SLC25A30: variants seen among roughly 807,000 people sequenced by gnomAD.
The protein encoded by SLC25A30 is solute carrier family 25 member 30.
A neutral mutation model predicts 42.7 loss-of-function variants in SLC25A30; 29 were observed. The observed-to-expected ratio is 0.68, with a 90% CI of 0.51 to 0.93. SLC25A30 has a LOEUF of 0.93. Among genes scored for constraint, SLC25A30 ranks in the 40% least tolerant of loss-of-function variants. SLC25A30 has a pLI of 0.00. For missense variants in SLC25A30, 300 were observed against 359.7 expected (o/e 0.83, Z 1.34); for synonymous variants, 124 against 131.0 (o/e 0.95, Z 0.37).
At chr13:45,431,951 T>C in the SLC25A30 span, among the ~76,000 whole-genome samples, 15 of 152,082 alleles carry the variant, frequency 9.9e-5, no homozygotes, top group Admixed American at 9.8e-4. Context: ...ATCCACCCCA[T>C]ATGTCCTGCT....
At chr13:45,422,505 G>A (rs553125090), upstream of SLC25A30, among the ~76,000 whole-genome samples, 116 of 152,182 alleles carry the variant, frequency 7.6e-4, 5 homozygotes, top group South Asian at 0.023. Context: ...ATATTTTATT[G>A]CAGCGGTTCT....
chr13:45,408,023 G>A (rs1255064651), intron 3 of SLC25A30, among the ~76,000 whole-genome samples: 2 of 152,150 alleles, frequency 1.3e-5, no homozygotes, highest in Non-Finnish European at 2.9e-5. Context: ...TGGCAGGCAG[G>A]TGATGTTTAC....
the SLC25A30 span, among the ~76,000 whole-genome samples, chr13:45,424,115 A>T: frequency 1.0e-5 from 1 of 99,010 alleles, no homozygotes; most frequent in Non-Finnish European, 1.8e-5. Context: ...AAATATATAT[A>T]AATATATATA....
In SLC25A30 at chr13:45,395,599, C is replaced by G; in HGVS notation, c.*375G>C. The G allele has an allele frequency of 8.9e-7, 1 of 1,129,076 alleles. No individual in the cohort carries two copies. The highest frequency in any genetic ancestry group is 1.1e-6 in the Non-Finnish European group (1 of 912,960). The allele number at this position is 1,129,076 out of a possible 1,614,324, so 69.9% of individuals were successfully genotyped here. ...CATTCCATGGTTCCAGTGAGCTTTT[C>G]TAGAGCAGTCTGATTCTCAGTCATG... On this transcript the variant is annotated 3_prime_UTR_variant, in exon 10 of 10. Coordinates refer to ENST00000519676, the MANE Select transcript of SLC25A30 (RefSeq NM_001010875.4).
intron 9 of SLC25A30, 99 bp from the exon 10 acceptor site, chr13:45,396,114 A>G: frequency 1.2e-6 from 2 of 1,611,270 alleles, no homozygotes; most frequent in South Asian, 2.2e-5. Flanking sequence ...ACAAATAGGT[A>G]CAGGCAGACC....
chr13:45,399,103 A>T, intron 7 of SLC25A30, 25 bp from the exon 8 acceptor site: 1 of 1,562,124 alleles, frequency 6.4e-7, no homozygotes, highest in Non-Finnish European at 8.6e-7. Flanking sequence ...TTGGAAAAAA[A>T]AAAAAAAGTT....
chr13:45,415,722 G>A (rs2137698328), intron 1 of SLC25A30, among the ~76,000 whole-genome samples: 2 of 149,392 alleles, frequency 1.3e-5, no homozygotes, highest in African/African-American at 4.9e-5. Context: ...ACTGCACTGT[G>A]GCCTGGGTGA....
chr13:45,400,016 A>ATATATATATGTG (rs200703827), intron 7 of SLC25A30, among the ~76,000 whole-genome samples: 5 of 102,180 alleles, frequency 4.9e-5, no homozygotes, highest in African/African-American at 1.9e-4. Flanking sequence ...ATGTATGATT[A>ATATATATATGTG]TATATATATA....
upstream of SLC25A30, among the ~76,000 whole-genome samples, chr13:45,421,938 C>G (rs1399245787): frequency 3.3e-5 from 5 of 152,146 alleles, no homozygotes; most frequent in African/African-American, 1.2e-4. Flanking sequence ...AGGCACTTCT[C>G]AAGTAGCTGG....
At chr13:45,429,294 C>G in the SLC25A30 span, among the ~76,000 whole-genome samples, 2 of 151,748 alleles carry the variant, frequency 1.3e-5, no homozygotes, top group Non-Finnish European at 2.9e-5. Context: ...GTCTCGAACT[C>G]CTGACCTCAG....
intron 4 of SLC25A30, 123 bp downstream of exon 4, chr13:45,405,760 C>T: frequency 2.5e-6 from 2 of 788,756 alleles, no homozygotes; most frequent in South Asian, 3.7e-5. Context: ...ACTTTACACC[C>T]AGAGTTCTTG....
rs1462157746 is a variant in SLC25A30, at chr13:45,399,098, A to G, written c.615-20T>C. 3 of 1,138,930 alleles carry G rather than the reference A, an allele frequency of 2.6e-6. No individual in the cohort carries two copies. Among genetic ancestry groups the G allele is most frequent in the Admixed American group, 5.6e-5 (2 of 35,624 alleles). 70.6% of individuals were successfully genotyped at this position (1,138,930 alleles called of 1,614,324 possible). On this transcript the variant is annotated intron_variant, in intron 7 of 9. Transcript: ENST00000519676. ...CTTGAGCTATAAAGACACCATTGGAAAAAAAAAAAAAAGTTAACCATCACT... is the reference window on the plus strand; with the variant it reads ...CTTGAGCTATAAAGACACCATTGGAGAAAAAAAAAAAAGTTAACCATCACT...
At chr13:45,407,291 C>T (rs980535789) in intron 3 of SLC25A30, among the ~76,000 whole-genome samples, 5 of 151,978 alleles carry the variant, frequency 3.3e-5, no homozygotes, top group East Asian at 1.9e-4. Context: ...CCCAGCTACT[C>T]GGGAGGCTGA....
At chr13:45,425,885 G>T in the SLC25A30 span, among the ~76,000 whole-genome samples, 2 of 146,482 alleles carry the variant, frequency 1.4e-5, no homozygotes, top group South Asian at 4.2e-4. Flanking sequence ...TGGAGACAGG[G>T]TTTCATCATG....
At chr13:45,420,359 C>G (rs1883862059), upstream of SLC25A30, 1 of 152,134 alleles carries the variant, frequency 6.6e-6, no homozygotes, top group Non-Finnish European at 1.5e-5. Flanking sequence ...AAAATTTGGA[C>G]CCCTTTGAAG....
At position 45,395,223 on chromosome 13, in the gene SLC25A30, A is replaced by G. The variant is rs1038221483; in HGVS notation, c.*751T>C. 3 of 985,024 alleles carry G rather than the reference A, an allele frequency of 3.0e-6. No individual in the cohort carries two copies. The highest frequency in any genetic ancestry group is 6.1e-5 in the Admixed American group (1 of 16,270). 61.0% of individuals were successfully genotyped at this position (985,024 alleles called of 1,614,324 possible). ...TGCTTTGCTAAAAATCATAAAGCTAATTACTAACATGACCTAAGACAGAAC... is the reference window on the plus strand; with the variant it reads ...TGCTTTGCTAAAAATCATAAAGCTAGTTACTAACATGACCTAAGACAGAAC... On this transcript the variant is annotated 3_prime_UTR_variant, in exon 10 of 10. Coordinates refer to ENST00000519676, the MANE Select transcript of SLC25A30 (RefSeq NM_001010875.4).
the SLC25A30 span, among the ~76,000 whole-genome samples, chr13:45,425,072 A>ATATATAAATATATATGTATATATATG: frequency 9.0e-5 from 6 of 66,882 alleles, 1 homozygote; most frequent in Middle Eastern, 0.032. Flanking sequence ...GTATATATAC[A>ATATATAAATATATATGTATATATATG]TATATATAAA....
chr13:45,423,366 T>C (rs922143685), upstream of SLC25A30, among the ~76,000 whole-genome samples: 2 of 151,010 alleles, frequency 1.3e-5, no homozygotes, highest in African/African-American at 2.4e-5. Context: ...CTTAGAAATC[T>C]GGTTTATTTA....
At chr13:45,424,473 A>G in the SLC25A30 span, among the ~76,000 whole-genome samples, 1 of 77,896 alleles carries the variant, frequency 1.3e-5, no homozygotes, top group African/African-American at 5.0e-5. Flanking sequence ...AAAAATATAT[A>G]AATATATGTA....
Sources: gnomAD v4.1 joint callset for allele counts (sites outside exome capture counted in the v4.1 genomes callset) on GRCh38, gnomAD v4.1.1 for gene constraint, MANE v1.5 for transcripts, NCBI Gene and HGNC (gene_info 2026-07-23, HGNC 2026-07-21) for gene names.